Variants in ECHDC2 observed in about 807,000 individuals in gnomAD.
The protein encoded by ECHDC2 is enoyl-CoA hydratase domain-containing protein 2, mitochondrial.
Under a neutral mutation model 40.6 loss-of-function variants are expected in ECHDC2, and 34 were observed. The ratio of observed to expected loss-of-function variants is 0.84; its 90% CI spans 0.64 to 1.11. The LOEUF (loss-of-function observed/expected upper bound fraction) is 1.11. Among genes scored for constraint, ECHDC2 ranks in the 50% most tolerant of loss-of-function variants. The pLI, the probability that ECHDC2 is intolerant of heterozygous loss-of-function variation, is 0.00. For synonymous variants in ECHDC2, 162 were observed against 166.6 expected (o/e 0.97, Z 0.21); for missense variants, 392 against 400.7 (o/e 0.98, Z 0.19).
intron 1 of ECHDC2, among the ~76,000 whole-genome samples, chr1:52,918,629 T>C (rs146563731): frequency 6.6e-6 from 1 of 152,070 alleles, no homozygotes; most frequent in African/African-American, 2.4e-5. Context: ...GAAGAAAACA[T>C]TTTTTGTACA....
chr1:52,916,318 GCTGA>G (rs1398687720), intron 1 of ECHDC2, among the ~76,000 whole-genome samples: 1 of 151,904 alleles, frequency 6.6e-6, no homozygotes, highest in African/African-American at 2.4e-5. Context: ...ATTCTCTCTG[GCTGA>G]CTGTCTCTCA....
At chr1:52,919,286 AC>A (rs1355656185) in intron 1 of ECHDC2, among the ~76,000 whole-genome samples, 1 of 152,174 alleles carries the variant, frequency 6.6e-6, no homozygotes, top group Non-Finnish European at 1.5e-5. Context: ...ATTTATGGTA[AC>A]TGCCCAGTAC....
In ECHDC2 at chr1:52,896,583, C is replaced by A; in HGVS notation, c.816G>T (p.Arg272=). The part of the protein sequence containing the change: ...GMCYAQNIPT[R]DRLEGMAAFR... The stretch of plus-strand genomic sequence containing the variant: ...AGGCTGCCATGCCCTCTAGCCGGTC[C>A]CGGGTTGGAATATTCTGCAACAAGG... Residue 272 remains arginine, a synonymous_variant, in exon 10 of 10, where the codon CGG becomes CGT. Coordinates refer to ENST00000371522, the MANE Select transcript of ECHDC2 (RefSeq NM_001198961.2). 2 of 1,614,018 alleles carry A rather than the reference C, an allele frequency of 1.2e-6. No individual in the cohort carries two copies. Among genetic ancestry groups the A allele is most frequent in the Non-Finnish European group, 1.7e-6 (2 of 1,179,952 alleles).
intron 6 of ECHDC2, 96 bp downstream of exon 6, chr1:52,904,938 G>T: frequency 1.2e-6 from 2 of 1,600,502 alleles, no homozygotes; most frequent in Non-Finnish European, 1.7e-6. Context: ...GCAGGGTTCA[G>T]GTGGGAGGGC....
chr1:52,913,076 T>A (rs1649920905), intron 1 of ECHDC2: 2 of 152,206 alleles, frequency 1.3e-5, no homozygotes, highest in South Asian at 4.1e-4. Flanking sequence ...ATCTTTTAAA[T>A]CCTGGTACAA....
At position 52,914,387 on chromosome 1, in the gene ECHDC2, G is replaced by T. The variant is rs1352759042; in HGVS notation, c.122-2597C>A. On this transcript the variant is annotated intron_variant, in intron 1 of 9. Transcript: ENST00000371522. The surrounding 1 kb of genome is among the most constrained non-coding windows in gnomAD (Gnocchi z 4.0). ...GTGCATGCATGTTGGCAAGGTGCAG[G>T]GAAGGGGGCAGTCCAGGAGAGAAGC... Among the ~76,000 whole-genome samples the T allele has an allele frequency of 1.3e-5, 2 of 152,200 alleles. No homozygotes were observed. Among genetic ancestry groups the T allele is most frequent in the Admixed American group, 1.3e-4 (2 of 15,286 alleles).
In ECHDC2 at chr1:52,904,651, G is replaced by A; in HGVS notation, c.697C>T (p.Pro233Ser). 6.3e-7 allele frequency: 1 copy of A among 1,589,054 alleles called. No homozygotes were observed. Among genetic ancestry groups the A allele is most frequent in the Non-Finnish European group, 8.6e-7 (1 of 1,166,272 alleles). Residue 233 changes from proline (P) to serine (S), a missense_variant, in exon 7 of 10, where the codon CCC becomes TCC. Pro to Ser is a moderately conservative substitution (Grantham distance 74, BLOSUM62 -1). Coordinates refer to ENST00000371522, the MANE Select transcript of ECHDC2 (RefSeq NM_001198961.2). ...GTGCCGAGCTGTCACCACACCTGGG[G>A]CAGGATCTCCTGGGCCAGTGCTCGT... The part of the protein sequence containing the change: ...RARALAQEIL[P>S]QAPIAVRLGK...
rs961004778 is a variant in ECHDC2 at position 52,911,791 on chromosome 1, C to T, written c.122-1G>A. The T allele has an allele frequency of 6.2e-7, 1 of 1,613,922 alleles. No individual in the cohort carries two copies. Among genetic ancestry groups the T allele is most frequent in the Non-Finnish European group, 8.5e-7 (1 of 1,179,938 alleles). On this transcript the variant is annotated splice_acceptor_variant, in intron 1 of 9. Coordinates refer to ENST00000371522, the MANE Select transcript of ECHDC2 (RefSeq NM_001198961.2). LOFTEE classifies it high-confidence loss of function. ...CTGTTCATCAGAATCTCAGTGATCC[C>T]TGTAAGGAGTCAGGGCAGCCACGGG...
intron 8 of ECHDC2, chr1:52,898,202 C>G (rs1477837512): frequency 1.3e-5 from 2 of 152,458 alleles, no homozygotes; most frequent in South Asian, 2.1e-4. Context: ...GAAGGAGAAA[C>G]TGAACATTTT....
At chr1:52,908,792 G>A (rs1004737677) in intron 3 of ECHDC2, among the ~76,000 whole-genome samples, 3 of 151,990 alleles carry the variant, frequency 2.0e-5, no homozygotes, top group African/African-American at 4.8e-5. Context: ...GAATTAGCCA[G>A]GTGTGTTGGT....
At chr1:52,909,396 A>G (rs890379375) in intron 3 of ECHDC2, among the ~76,000 whole-genome samples, 1 of 152,108 alleles carries the variant, frequency 6.6e-6, no homozygotes, top group Non-Finnish European at 1.5e-5. Flanking sequence ...AATATGACCT[A>G]TGCTCATATA....
At chr1:52,900,653 G>C (rs1646931707) in intron 7 of ECHDC2, 1 of 152,188 alleles carries the variant, frequency 6.6e-6, no homozygotes, top group South Asian at 2.1e-4. Flanking sequence ...TGGGGAGAGA[G>C]AGGGATTGGG....
chr1:52,921,480 C>A, intron 1 of ECHDC2, 73 bp downstream of exon 1: 2 of 1,520,372 alleles, frequency 1.3e-6, no homozygotes, highest in Non-Finnish European at 1.8e-6. Context: ...CTGAGCGGCC[C>A]ACCTGCCGGT....
chr1:52,896,624 T>C (rs1646651383), intron 9 of ECHDC2, 27 bp from the exon 10 acceptor site: 2 of 1,600,582 alleles, frequency 1.2e-6, no homozygotes, highest in South Asian at 1.1e-5. Flanking sequence ...AATATTAGTT[T>C]TGGGGGAGCA....
chr1:52,897,587 G>A, intron 8 of ECHDC2, 103 bp from the exon 9 acceptor site: 1 of 1,101,072 alleles, frequency 9.1e-7, no homozygotes, highest in Non-Finnish European at 1.4e-6. Context: ...TATGAGCAGA[G>A]ATAGCTATGA....
Position 52,907,831 on chromosome 1 carries a change from C to G in ECHDC2, c.364+37G>C. ...GCGGGACTGTCATCGGCAGGGACCCCCAAACCCCCTCCTCCACCCCACACC... is the reference window on the plus strand; with the variant it reads ...GCGGGACTGTCATCGGCAGGGACCCGCAAACCCCCTCCTCCACCCCACACC... On this transcript the variant is annotated intron_variant, in intron 4 of 9. Coordinates refer to ENST00000371522, the MANE Select transcript of ECHDC2 (RefSeq NM_001198961.2). 1.9e-6 allele frequency: 3 copies of G among 1,576,246 alleles called. No homozygotes were observed. The African/African-American group carries it at 4.0e-5, about 21-fold the overall frequency.
At chr1:52,921,461 T>G (rs1305381218) in intron 1 of ECHDC2, 92 bp downstream of exon 1, 5 of 1,482,166 alleles carry the variant, frequency 3.4e-6, no homozygotes, top group Non-Finnish European at 3.6e-6. Context: ...GATCGAATCC[T>G]TCAACGCACT....
chr1:52,911,894 G>A, intron 1 of ECHDC2, 104 bp from the exon 2 acceptor site: 1 of 1,530,250 alleles, frequency 6.5e-7, no homozygotes, highest in South Asian at 1.2e-5. Flanking sequence ...GGGAGCCTCT[G>A]CCCTAGATGA....
chr1:52,907,844 TC>T, intron 4 of ECHDC2, 23 bp downstream of exon 4: 1 of 845,392 alleles, frequency 1.2e-6, no homozygotes, highest in Non-Finnish European at 1.9e-6. Flanking sequence ...AACCCCCTCC[TC>T]CACCCCACAC....
Sources: allele counts gnomAD v4.1 joint callset (sites outside exome capture counted in the v4.1 genomes callset), GRCh38; gene constraint gnomAD v4.1.1; non-coding constraint Gnocchi (gnomAD v3.1); transcripts MANE v1.5; gene names NCBI Gene and HGNC (gene_info 2026-07-23, HGNC 2026-07-21).